The following ZSCAN20 variants were observed in gnomAD, a reference collection of about 807,000 sequenced individuals.
ZSCAN20 encodes zinc finger and SCAN domain-containing protein 20.
A neutral mutation model predicts 97.1 loss-of-function variants in ZSCAN20; 39 were observed. The observed-to-expected ratio is 0.40, with a 90% CI of 0.31 to 0.52. The LOEUF (loss-of-function observed/expected upper bound fraction) is 0.52. Among genes scored for constraint, ZSCAN20 ranks in the 20% least tolerant of loss-of-function variants. The pLI, the probability that ZSCAN20 is intolerant of heterozygous loss-of-function variation, is 0.49. For missense variants in ZSCAN20, 1,115 were observed against 1,290.4 expected, an observed-to-expected ratio of 0.86 and a Z score of 2.08; for synonymous variants, 456 against 467.3, an observed-to-expected ratio of 0.98 and a Z score of 0.31.
chr1:33,475,642 C>T (rs866904513), intron 1 of ZSCAN20, among the ~76,000 whole-genome samples: 3 of 152,184 alleles, frequency 2.0e-5, no homozygotes, highest in Admixed American at 6.5e-5. Context: ...TTAAATCATG[C>T]TCTTTCTCTC....
In ZSCAN20 at chr1:33,490,907, A is replaced by G. The variant is rs1652576911; in HGVS notation, c.767-118A>G. ...ATTCCTGTAAACATTTTATGGGATC[A>G]ACTTGGGAATTTCTCGTTAGCCTCT... On this transcript the variant is annotated intron_variant, in intron 5 of 7. Transcript: ENST00000684572. The G allele has an allele frequency of 1.2e-5, 11 of 916,428 alleles. No homozygotes were observed. In the South Asian group the frequency reaches 1.8e-4, roughly 15 times the overall value. The allele number at this position is 916,428 out of a possible 1,614,324, so 56.8% of individuals were successfully genotyped here.
rs763522543 is a variant in ZSCAN20 at position 33,495,249 on chromosome 1, C to G, written c.2905C>G (p.Arg969Gly). ...YKCLECGKFF[R>G]DRSNLITHQR... ...ATGCCTTGAGTGTGGAAAATTCTTC[C>G]GTGACCGTTCTAACCTCATTACTCA... The change falls in exon 8 of 8, where the codon CGT (arginine) becomes GGT (glycine). Residue 969 changes from arginine (R) to glycine (G), a missense_variant. This residue lies in a region of ZSCAN20 where 554 missense variants were observed against 584.9 expected (regional missense o/e 0.95). Coordinates refer to ENST00000684572, the MANE Select transcript of ZSCAN20 (RefSeq NM_001377376.1). The G allele has an allele frequency of 6.2e-7, 1 of 1,612,254 alleles. No individual in the cohort carries two copies. The highest frequency in any genetic ancestry group is 8.5e-7 in the Non-Finnish European group (1 of 1,178,966).
At position 33,496,909 on chromosome 1, in the gene ZSCAN20, G is replaced by A. The variant is rs1351275068; in HGVS notation, c.*1433G>A. On this transcript the variant is annotated 3_prime_UTR_variant, in exon 8 of 8. Coordinates refer to ENST00000684572, the MANE Select transcript of ZSCAN20 (RefSeq NM_001377376.1). ...AGGCTAAGTTAGAAAGGTTCACATAGGATGGTTTTAACATTTGCAGCACTT... is the reference window on the plus strand; with the variant it reads ...AGGCTAAGTTAGAAAGGTTCACATAAGATGGTTTTAACATTTGCAGCACTT... Among the ~76,000 whole-genome samples, 2 of 152,174 alleles carry A rather than the reference G, an allele frequency of 1.3e-5. No individual in the cohort carries two copies. The highest frequency in any genetic ancestry group is 4.8e-5 in the African/African-American group (2 of 41,440).
chr1:33,501,153 C>G lies in ZSCAN20; in HGVS notation c.*5677C>G, dbSNP rs16835519. Reference sequence around the variant, plus strand: ...AGAGGAAAGGGCTTGTTCATGACCACGTATGAGGTCGCCAACCCAACCCTG... The same window carrying G: ...AGAGGAAAGGGCTTGTTCATGACCAGGTATGAGGTCGCCAACCCAACCCTG... On this transcript the variant is annotated 3_prime_UTR_variant, in exon 8 of 8. Coordinates refer to ENST00000684572, the MANE Select transcript of ZSCAN20 (RefSeq NM_001377376.1). 0.1 allele frequency among the ~76,000 whole-genome samples: 15,668 copies of G among 152,140 alleles called. 891 individuals carry two copies. Among genetic ancestry groups the G allele is most frequent in the Non-Finnish European group, 0.13 (9,031 of 67,992 alleles).
chr1:33,493,694 G>C lies in ZSCAN20; in HGVS notation c.1873+79G>C, dbSNP rs1217675539. The C allele has an allele frequency of 2.9e-6, 4 of 1,403,384 alleles. No homozygotes were observed. The highest frequency in any genetic ancestry group is 2.3e-5 in the East Asian group (1 of 43,392). The allele number at this position is 1,403,384 out of a possible 1,614,324, so 86.9% of individuals were successfully genotyped here. A position where few individuals can be genotyped will look rare whatever the true frequency, so the allele number is the denominator to read the frequency against. ...GAGGAAGCCAGGCTCATTATCTTTT[G>C]TCTCTTAACTAAAAGAGAGAATGGG... On this transcript the variant is annotated intron_variant, in intron 7 of 7. Transcript: ENST00000684572. The surrounding 1 kb of genome is among the most constrained non-coding windows in gnomAD (Gnocchi z 4.3).
At chr1:33,479,809 A>G in intron 2 of ZSCAN20, 104 bp downstream of exon 2, 1 of 1,245,840 alleles carries the variant, frequency 8.0e-7, no homozygotes, top group South Asian at 1.7e-5. Context: ...AACAATAGTT[A>G]TTGAGAACTG....
Position 33,493,113 on chromosome 1 carries a change from A to C in ZSCAN20, c.1445-74A>C. ...CTATGTTCTAGGTATTTTGAAGGGC[A>C]GGTGACTTTATTCTCTGATGACCTA... On this transcript the variant is annotated intron_variant, in intron 6 of 7. Transcript: ENST00000684572. This position sits in a 1 kb window ranked among gnomAD's most constrained non-coding sequence, Gnocchi z 4.3. 1 of 1,434,684 alleles carries C rather than the reference A, an allele frequency of 7.0e-7. No individual in the cohort carries two copies. The highest frequency in any genetic ancestry group is 9.6e-7 in the Non-Finnish European group (1 of 1,040,274). 88.9% of individuals were successfully genotyped at this position (1,434,684 alleles called of 1,614,324 possible). A position where few individuals can be genotyped will look rare whatever the true frequency, so the allele number is the denominator to read the frequency against.
intron 1 of ZSCAN20, among the ~76,000 whole-genome samples, chr1:33,473,044 T>G (rs1171726394): frequency 6.6e-6 from 1 of 152,070 alleles, no homozygotes. Context: ...GAAGAGGGCC[T>G]GAGCTTGAAG....
chr1:33,485,681 G>A (rs768752527), intron 2 of ZSCAN20, among the ~76,000 whole-genome samples: 12 of 152,056 alleles, frequency 7.9e-5, no homozygotes, highest in Non-Finnish European at 1.5e-5. Context: ...CCAGAGTGCT[G>A]GGGTTACATG....
At chr1:33,489,077 C>G in intron 3 of ZSCAN20, 38 bp from the exon 4 acceptor site, 2 of 1,575,296 alleles carry the variant, frequency 1.3e-6, no homozygotes, top group Non-Finnish European at 1.7e-6. Context: ...TTTTTGGGAA[C>G]CAGAGCTTGG....
chr1:33,494,693 TCAC>T lies in ZSCAN20; in HGVS notation c.2352_2354del (p.His784del). Reference sequence around the variant, plus strand: ...TTAGTGACCATTCTAATCTCATCACTCACCAGAGAATTCACACGGGGGAAAAGC... The same window carrying T: ...TTAGTGACCATTCTAATCTCATCACTCAGAGAATTCACACGGGGGAAAAGC... On this transcript the variant is annotated inframe_deletion, in exon 8 of 8. Coordinates refer to ENST00000684572, the MANE Select transcript of ZSCAN20 (RefSeq NM_001377376.1). The T allele has an allele frequency of 6.2e-7, 1 of 1,613,562 alleles. No individual in the cohort carries two copies. The highest frequency in any genetic ancestry group is 1.1e-5 in the South Asian group (1 of 91,046).
Position 33,495,388 on chromosome 1 carries a change from A to G in ZSCAN20, c.3044A>G (p.Tyr1015Cys). 2 of 1,610,044 alleles carry G rather than the reference A, an allele frequency of 1.2e-6. No individual in the cohort carries two copies. The highest frequency in any genetic ancestry group is 1.1e-5 in the South Asian group (1 of 90,386). Residue 1015 changes from tyrosine to cysteine, a missense_variant, in exon 8 of 8, where the codon TAC (tyrosine) becomes TGC (cysteine). Tyr to Cys is a radical substitution (Grantham distance 194). Transcript: ENST00000684572. ...HQRIHTGEKPYKCTECGKDFN... is the reference protein window; with the variant it reads ...HQRIHTGEKPCKCTECGKDFN... ...AGAATCCACACAGGGGAGAAACCCT[A>G]CAAGTGCACAGAGTGTGGCAAAGAC...
At chr1:33,489,700 C>A in intron 5 of ZSCAN20, 98 bp downstream of exon 5, 1 of 1,087,200 alleles carries the variant, frequency 9.2e-7, no homozygotes, top group Non-Finnish European at 1.4e-6. Context: ...CATGGCTCTG[C>A]AGTCTCTGGA....
intron 1 of ZSCAN20, among the ~76,000 whole-genome samples, chr1:33,475,109 G>T (rs1298828857): frequency 6.6e-6 from 1 of 152,102 alleles, no homozygotes; most frequent in South Asian, 2.1e-4. Context: ...CCATTCTCCC[G>T]TACTGTCATC....
intron 2 of ZSCAN20, among the ~76,000 whole-genome samples, chr1:33,480,913 G>T (rs1157552706): frequency 1.3e-5 from 2 of 152,124 alleles, no homozygotes; most frequent in Non-Finnish European, 2.9e-5. Flanking sequence ...TTCTCTACTT[G>T]TTATAGTTAG....
intron 6 of ZSCAN20, chr1:33,492,610 T>G (rs577233383): frequency 6.6e-6 from 1 of 150,792 alleles, no homozygotes; most frequent in Non-Finnish European, 1.5e-5. Flanking sequence ...CTGTCTCTAC[T>G]AAAAAAAATA....
In ZSCAN20 at chr1:33,500,635, T is replaced by C. The variant is rs1400992625; in HGVS notation, c.*5159T>C. 2.6e-5 allele frequency among the ~76,000 whole-genome samples: 4 copies of C among 151,584 alleles called. No homozygotes were observed. Among genetic ancestry groups the C allele is most frequent in the African/African-American group, 9.7e-5 (4 of 41,150 alleles). ...TAAAGATGCTTCTGATCATGCCTGC[T>C]ATTACATGATACTTATTTCTAAAGT... On this transcript the variant is annotated 3_prime_UTR_variant, in exon 8 of 8. Coordinates refer to ENST00000684572, the MANE Select transcript of ZSCAN20 (RefSeq NM_001377376.1).
chr1:33,488,945 C>T (rs891387856), intron 3 of ZSCAN20, among the ~76,000 whole-genome samples, 170 bp from the exon 4 acceptor site: 9 of 152,174 alleles, frequency 5.9e-5, no homozygotes, highest in African/African-American at 2.2e-4. Context: ...ACACCACTCA[C>T]AGCAGCTTAG....
chr1:33,476,748 T>C (rs1651953808), intron 1 of ZSCAN20, among the ~76,000 whole-genome samples: 1 of 152,206 alleles, frequency 6.6e-6, no homozygotes, highest in South Asian at 2.1e-4. Flanking sequence ...GCGAATTCTT[T>C]AGGTTCAAAA....
Sources: allele counts gnomAD v4.1 joint callset (sites outside exome capture counted in the v4.1 genomes callset), GRCh38; gene constraint gnomAD v4.1.1; regional missense constraint gnomAD v4.1.1; non-coding constraint Gnocchi (gnomAD v3.1); transcripts MANE v1.5; gene names NCBI Gene and HGNC (gene_info 2026-07-23, HGNC 2026-07-21).